CNTNAP2: variants seen among roughly 807,000 people sequenced by gnomAD.
CNTNAP2 encodes the protein contactin associated protein 2.
A neutral mutation model predicts 155.2 loss-of-function variants in CNTNAP2; 98 were observed. That is an observed-to-expected ratio of 0.63 (90% confidence interval 0.54 to 0.75). The LOEUF (loss-of-function observed/expected upper bound fraction) is 0.75, where lower values mean the gene tolerates loss of function less well. CNTNAP2 is among the 30% of genes least tolerant of loss of function. The pLI is 0.00. For missense variants in CNTNAP2, 1,727 were observed against 1,688.1 expected (o/e 1.02, Z -0.40); for synonymous variants, 651 against 631.2 (o/e 1.03, Z -0.47).
chr7:146,755,818 G>A (rs1211278403), intron 1 of CNTNAP2, among the ~76,000 whole-genome samples: 2 of 151,962 alleles, frequency 1.3e-5, no homozygotes, highest in Admixed American at 1.3e-4. Context: ...TACTATAGAT[G>A]TTCCTGCAGT....
chr7:146,510,869 A>G (rs1221774419), intron 1 of CNTNAP2, among the ~76,000 whole-genome samples: 1 of 151,894 alleles, frequency 6.6e-6, no homozygotes, highest in Non-Finnish European at 1.5e-5. Flanking sequence ...TATCAGCTGT[A>G]CTAGTTTTGG....
intron 18 of CNTNAP2, among the ~76,000 whole-genome samples, chr7:148,175,933 C>T (rs1190470643): frequency 6.6e-6 from 1 of 152,088 alleles, no homozygotes; most frequent in Non-Finnish European, 1.5e-5. Flanking sequence ...ACATCAATCC[C>T]TGTCTCTGTC....
intron 3 of CNTNAP2, among the ~76,000 whole-genome samples, chr7:147,042,984 C>T (rs542466776): frequency 2.0e-5 from 3 of 152,178 alleles, no homozygotes; most frequent in Non-Finnish European, 2.9e-5. Flanking sequence ...GCTGAAACTG[C>T]TCATGTTTAA....
chr7:146,126,367 TAAAG>T (rs1797637923), intron 1 of CNTNAP2, among the ~76,000 whole-genome samples: 1 of 152,172 alleles, frequency 6.6e-6, no homozygotes, highest in African/African-American at 2.4e-5. Flanking sequence ...TGGTAAAAAA[TAAAG>T]AAATATATTT....
At chr7:147,919,251 A>AATCTACAG (rs1351082361) in intron 14 of CNTNAP2, among the ~76,000 whole-genome samples, 1 of 151,796 alleles carries the variant, frequency 6.6e-6, no homozygotes, top group Admixed American at 6.6e-5. Context: ...TCTGAATTCT[A>AATCTACAG]ATCTACAGAA....
intron 1 of CNTNAP2, among the ~76,000 whole-genome samples, chr7:146,395,763 G>T (rs1293552223): frequency 1.6e-5 from 2 of 122,804 alleles, no homozygotes; most frequent in African/African-American, 5.8e-5. Context: ...ATGAAATGAT[G>T]ATCTAGATAG....
intron 17 of CNTNAP2, among the ~76,000 whole-genome samples, chr7:148,158,165 A>T (rs1001459176): frequency 6.7e-6 from 1 of 149,492 alleles, no homozygotes; most frequent in African/African-American, 2.5e-5. Context: ...AATTCCAGCT[A>T]CCTTTCAGTC....
intron 11 of CNTNAP2, among the ~76,000 whole-genome samples, chr7:147,513,962 A>G (rs1451700646): frequency 6.6e-6 from 1 of 152,118 alleles, no homozygotes; most frequent in Non-Finnish European, 1.5e-5. Flanking sequence ...AAGGCCAACC[A>G]CCACCACATG....
At position 147,877,723 on chromosome 7, in the gene CNTNAP2, TG is replaced by T. The variant is rs150605645; in HGVS notation, c.2099-25840del. Among the ~76,000 whole-genome samples, 1,135 of 151,022 alleles carry T rather than the reference TG, an allele frequency of 7.5e-3. 14 individuals are homozygous for T. The highest frequency in any genetic ancestry group is 0.027 in the African/African-American group (1,074 of 40,312). ...TTAGAGATACTAGCTGGGTTGTGTC[TG>T]GTTTTTTTTCATTGTTTTTGTTTGT... On this transcript the variant is annotated intron_variant, in intron 13 of 23. Coordinates refer to ENST00000361727, the MANE Select transcript of CNTNAP2 (RefSeq NM_014141.6).
chr7:147,672,901 T>C (rs569396438), intron 13 of CNTNAP2: 1 of 152,312 alleles, frequency 6.6e-6, no homozygotes, highest in Non-Finnish European at 1.5e-5. Context: ...GATTCAAGGA[T>C]ACCCAAAGCC....
intron 21 of CNTNAP2, among the ~76,000 whole-genome samples, chr7:148,354,341 C>G (rs568162753): frequency 2.0e-5 from 3 of 152,188 alleles, no homozygotes; most frequent in African/African-American, 7.2e-5. Flanking sequence ...AGGCAATATT[C>G]TTTGAACTGT....
intron 15 of CNTNAP2, among the ~76,000 whole-genome samples, chr7:148,033,963 G>GA (rs1246749805): frequency 1.3e-5 from 2 of 151,964 alleles, no homozygotes; most frequent in Non-Finnish European, 2.9e-5. Flanking sequence ...AAACATTAGA[G>GA]AAAGCATTCA....
intron 1 of CNTNAP2, among the ~76,000 whole-genome samples, chr7:146,121,015 T>G (rs547052302): frequency 6.6e-6 from 1 of 152,170 alleles, no homozygotes; most frequent in Non-Finnish European, 1.5e-5. Flanking sequence ...TGGGAAAACC[T>G]TTCAAGTTCT....
chr7:146,389,582 T>A (rs1309320622), intron 1 of CNTNAP2, among the ~76,000 whole-genome samples: 1 of 151,810 alleles, frequency 6.6e-6, no homozygotes, highest in South Asian at 2.1e-4. Context: ...TTCTTGTTTG[T>A]TTTCTTTCCC....
At chr7:146,629,227 C>G (rs1279148682) in intron 1 of CNTNAP2, among the ~76,000 whole-genome samples, 2 of 152,074 alleles carry the variant, frequency 1.3e-5, no homozygotes, top group Non-Finnish European at 2.9e-5. Flanking sequence ...CTGGCAGTTA[C>G]CCCTCTCACT....
chr7:147,262,501 A>G (rs745358962), intron 8 of CNTNAP2, among the ~76,000 whole-genome samples: 1 of 152,110 alleles, frequency 6.6e-6, no homozygotes, highest in Non-Finnish European at 1.5e-5. Context: ...AGGGAGGGGT[A>G]TGAAAGGACG....
intron 13 of CNTNAP2, among the ~76,000 whole-genome samples, chr7:147,667,446 G>A (rs1795713907): frequency 1.3e-5 from 2 of 152,090 alleles, no homozygotes; most frequent in Non-Finnish European, 2.9e-5. Context: ...TAATGATATG[G>A]CACAGTGACG....
intron 14 of CNTNAP2, among the ~76,000 whole-genome samples, chr7:147,944,601 G>A (rs773685655): frequency 2.3e-4 from 35 of 152,296 alleles, no homozygotes; most frequent in Non-Finnish European, 4.1e-4. Context: ...TATTTTTACA[G>A]TCAACTGTTA....
At chr7:147,374,241 G>A (rs535729368) in intron 9 of CNTNAP2, among the ~76,000 whole-genome samples, 3 of 151,818 alleles carry the variant, frequency 2.0e-5, no homozygotes, top group African/African-American at 7.3e-5. Context: ...AGCAACTAAC[G>A]TTATAGCCTT....
Sources: allele counts gnomAD v4.1 joint callset (sites outside exome capture counted in the v4.1 genomes callset), GRCh38; gene constraint gnomAD v4.1.1; transcripts MANE v1.5; gene names NCBI Gene and HGNC (gene_info 2026-07-23, HGNC 2026-07-21).